The following CRADD variants were observed in gnomAD, a reference collection of about 807,000 sequenced individuals.
The protein encoded by CRADD is CARD and death domain containing adaptor protein.
Under a neutral mutation model 15.5 loss-of-function variants are expected in CRADD, and 9 were observed. The observed-to-expected ratio is 0.58, with a 90% CI of 0.35 to 1.01. The LOEUF (loss-of-function observed/expected upper bound fraction) is 1.01. Among genes scored for constraint, CRADD ranks in the 50% least tolerant of loss-of-function variants. CRADD has a pLI of 0.02. For synonymous variants in CRADD, 118 were observed against 107.6 expected (o/e 1.10, Z -0.60); for missense variants, 227 against 250.3 (o/e 0.91, Z 0.63).
At chr12:93,747,545 C>G (rs926628499) in intron 2 of CRADD, among the ~76,000 whole-genome samples, 2 of 151,822 alleles carry the variant, frequency 1.3e-5, no homozygotes, top group African/African-American at 2.4e-5. Context: ...ACCACAACCT[C>G]CACCTCCCCG....
At chr12:93,723,680 G>A (rs1037882803) in intron 2 of CRADD, among the ~76,000 whole-genome samples, 18 of 152,124 alleles carry the variant, frequency 1.2e-4, no homozygotes, top group South Asian at 8.3e-4. Context: ...TCAGTGCATC[G>A]GCTTTGCTGG....
intron 2 of CRADD, among the ~76,000 whole-genome samples, chr12:93,863,676 G>T (rs1333764996): frequency 6.7e-6 from 1 of 150,290 alleles, no homozygotes; most frequent in Non-Finnish European, 1.5e-5. Flanking sequence ...GGGGGTTAGG[G>T]TTAGCATTAC....
intron 2 of CRADD, among the ~76,000 whole-genome samples, chr12:93,714,184 A>G (rs993653343): frequency 6.6e-6 from 1 of 152,264 alleles, no homozygotes; most frequent in African/African-American, 2.4e-5. Flanking sequence ...GTCACTATAC[A>G]TAATTCAAGA....
intron 2 of CRADD, among the ~76,000 whole-genome samples, chr12:93,867,403 A>ATATATTTTTTTTT (rs985334638): frequency 1.4e-5 from 2 of 143,378 alleles, no homozygotes; most frequent in East Asian, 4.2e-4. Flanking sequence ...ATATATATAT[A>ATATATTTTTTTTT]TTTTTTAAAC....
chr12:93,812,088 A>G (rs1304870220), intron 2 of CRADD, among the ~76,000 whole-genome samples: 1 of 152,226 alleles, frequency 6.6e-6, no homozygotes, highest in Admixed American at 6.5e-5. Flanking sequence ...AAAGTAAAAA[A>G]GATCAGTGAT....
intron 2 of CRADD, among the ~76,000 whole-genome samples, chr12:93,757,420 A>G (rs1409397956): frequency 6.6e-6 from 1 of 152,214 alleles, no homozygotes. Flanking sequence ...TAGATGGCCA[A>G]GTTTATTAGA....
At chr12:93,693,288 A>G (rs1281534195) in intron 2 of CRADD, among the ~76,000 whole-genome samples, 3 of 152,164 alleles carry the variant, frequency 2.0e-5, no homozygotes, top group Admixed American at 1.3e-4. Flanking sequence ...GTTAAAAGAC[A>G]GGGTGTCTGA....
At chr12:93,844,395 A>C (rs146706255) in intron 2 of CRADD, among the ~76,000 whole-genome samples, 1 of 152,280 alleles carries the variant, frequency 6.6e-6, no homozygotes, top group African/African-American at 2.4e-5. Context: ...GTCAGACAGC[A>C]CAAACAGCTG....
chr12:93,697,160 C>A (rs1955728071), intron 2 of CRADD, among the ~76,000 whole-genome samples: 1 of 152,174 alleles, frequency 6.6e-6, no homozygotes, highest in African/African-American at 2.4e-5. Flanking sequence ...CCCAATGTCT[C>A]CCAGAATTCA....
intron 2 of CRADD, among the ~76,000 whole-genome samples, chr12:93,869,850 G>A (rs976334861): frequency 6.6e-6 from 1 of 152,118 alleles, no homozygotes; most frequent in Non-Finnish European, 1.5e-5. Flanking sequence ...GGAGAAAAGA[G>A]AATTAATGAG....
chr12:93,745,488 T>A (rs1374356192), intron 2 of CRADD, among the ~76,000 whole-genome samples: 1 of 152,206 alleles, frequency 6.6e-6, no homozygotes, highest in East Asian at 1.9e-4. Context: ...AATGGGGATC[T>A]CACAGTCTCA....
intron 2 of CRADD, among the ~76,000 whole-genome samples, chr12:93,767,028 C>G (rs1957033334): frequency 6.6e-6 from 1 of 152,208 alleles, no homozygotes; most frequent in Non-Finnish European, 1.5e-5. Flanking sequence ...TGTTCTCCCT[C>G]TCACATGTAC....
At chr12:93,853,801 G>A (rs1958248196), downstream of CRADD, among the ~76,000 whole-genome samples, 1 of 152,186 alleles carries the variant, frequency 6.6e-6, no homozygotes, top group South Asian at 2.1e-4. Flanking sequence ...GCTTATGAAG[G>A]GTTGATAGTC....
rs375093008 is a variant in CRADD, at chr12:93,718,959, C to G, written c.298+39887C>G. Among the ~76,000 whole-genome samples the G allele has an allele frequency of 1.1e-3, 164 of 152,102 alleles. 1 individual carries two copies. Among genetic ancestry groups the G allele is most frequent in the African/African-American group, 2.6e-3 (107 of 41,504 alleles). On this transcript the variant is annotated intron_variant, in intron 2 of 2. Transcript: ENST00000332896. Reference sequence around the variant, plus strand: ...ATTTTTTGTAGAGATGGGGTTTTGTCATGTTGCCCAGGCTGGTCTTGAACT... The same window carrying G: ...ATTTTTTGTAGAGATGGGGTTTTGTGATGTTGCCCAGGCTGGTCTTGAACT...
intron 2 of CRADD, chr12:93,738,273 G>T (rs1315694460): frequency 3.0e-6 from 2 of 671,150 alleles, no homozygotes; most frequent in East Asian, 5.4e-5. Flanking sequence ...AAAAGTGTCA[G>T]ACTGTGGGGA....
intron 2 of CRADD, among the ~76,000 whole-genome samples, chr12:93,722,784 A>G (rs764829433): frequency 1.3e-5 from 2 of 152,030 alleles, no homozygotes; most frequent in Non-Finnish European, 2.9e-5. Flanking sequence ...TAAATTCCCT[A>G]TCTGATAATT....
rs182829157 is a variant in CRADD, at chr12:93,822,423, C to T, written c.299-27547C>T. Among the ~76,000 whole-genome samples, 16 of 152,260 alleles carry T rather than the reference C, an allele frequency of 1.1e-4. No homozygotes were observed. In the East Asian group the frequency reaches 1.9e-3, roughly 18 times the overall value. The stretch of plus-strand genomic sequence containing the variant: ...ATGAGCCTTGACAACCCCCACATCC[C>T]GATACTGCATCCTCTTTGTACCACA... On this transcript the variant is annotated intron_variant, in intron 2 of 2. Coordinates refer to ENST00000332896, the MANE Select transcript of CRADD (RefSeq NM_003805.5).
At chr12:93,713,813 A>ATG (rs1170528873) in intron 2 of CRADD, among the ~76,000 whole-genome samples, 2 of 152,228 alleles carry the variant, frequency 1.3e-5, no homozygotes, top group Non-Finnish European at 2.9e-5. Flanking sequence ...TTGAAATGAT[A>ATG]TTTTTGATAT....
At chr12:93,832,684 T>A (rs1957922177) in intron 2 of CRADD, among the ~76,000 whole-genome samples, 1 of 152,242 alleles carries the variant, frequency 6.6e-6, no homozygotes, top group Admixed American at 6.5e-5. Context: ...ATAAGTATTT[T>A]TAAACAATTT....
Sources: gnomAD v4.1 joint callset for allele counts (sites outside exome capture counted in the v4.1 genomes callset) on GRCh38, gnomAD v4.1.1 for gene constraint, MANE v1.5 for transcripts, NCBI Gene and HGNC (gene_info 2026-07-23, HGNC 2026-07-21) for gene names.